The following PELI2 variants were observed in gnomAD, a reference collection of about 807,000 sequenced individuals.
PELI2 encodes the protein pellino E3 ubiquitin protein ligase family member 2, also known as E3 ubiquitin-protein ligase pellino homolog 2.
A neutral mutation model predicts 42.3 loss-of-function variants in PELI2; 23 were observed. That is an observed-to-expected ratio of 0.54 (90% CI 0.39 to 0.77). The LOEUF is 0.77. PELI2 is among the 30% of genes least tolerant of loss of function. PELI2 has a pLI of 0.00. For missense variants in PELI2, 463 were observed against 553.2 expected (o/e 0.84, Z 1.64); for synonymous variants, 245 against 212.2 (o/e 1.15, Z -1.34).
intron 3 of PELI2, among the ~76,000 whole-genome samples, chr14:56,281,058 C>T (rs971936194): frequency 2.6e-5 from 4 of 152,076 alleles, no homozygotes; most frequent in African/African-American, 9.7e-5. Context: ...TGGAATTGGT[C>T]CCCCTGGTGG....
At chr14:56,126,620 G>A (rs1883276843) in intron 1 of PELI2, among the ~76,000 whole-genome samples, 1 of 152,102 alleles carries the variant, frequency 6.6e-6, no homozygotes, top group South Asian at 2.1e-4. Context: ...GGAGGACCTC[G>A]GTGGCCCCCC....
At chr14:56,229,656 A>C (rs1005548857) in intron 2 of PELI2, among the ~76,000 whole-genome samples, 3 of 152,204 alleles carry the variant, frequency 2.0e-5, no homozygotes, top group African/African-American at 7.2e-5. Flanking sequence ...CAGAGCAGAA[A>C]AGCTGAAAAT....
intron 2 of PELI2, among the ~76,000 whole-genome samples, chr14:56,278,557 T>C (rs1226375365): frequency 6.6e-6 from 1 of 152,174 alleles, no homozygotes; most frequent in Non-Finnish European, 1.5e-5. Context: ...AGGAAGCACA[T>C]AAAATAAAAC....
intron 1 of PELI2, among the ~76,000 whole-genome samples, chr14:56,161,553 G>T (rs879441883): frequency 6.6e-6 from 1 of 152,096 alleles, no homozygotes; most frequent in Non-Finnish European, 1.5e-5. Flanking sequence ...GATTACAGGC[G>T]TGAGCCACAG....
At chr14:56,134,763 C>G (rs1240301584) in intron 1 of PELI2, among the ~76,000 whole-genome samples, 1 of 149,106 alleles carries the variant, frequency 6.7e-6, no homozygotes, top group African/African-American at 2.5e-5. Flanking sequence ...AACCAGTAAT[C>G]TTGTCAGTAA....
At chr14:56,166,002 G>A (rs1175869318) in intron 1 of PELI2, among the ~76,000 whole-genome samples, 1 of 152,052 alleles carries the variant, frequency 6.6e-6, no homozygotes, top group African/African-American at 2.4e-5. Flanking sequence ...TTATTAATAA[G>A]GGTTTCTGCC....
chr14:56,187,737 G>A (rs142874058), intron 2 of PELI2, among the ~76,000 whole-genome samples: 60 of 152,244 alleles, frequency 3.9e-4, no homozygotes, highest in African/African-American at 8.7e-4. Context: ...GATCATAACC[G>A]TGTTCCAGGG....
At chr14:56,259,551 G>A (rs561868983) in intron 2 of PELI2, among the ~76,000 whole-genome samples, 129 of 152,182 alleles carry the variant, frequency 8.5e-4, no homozygotes, top group African/African-American at 3.0e-3. Context: ...TGGTATGATC[G>A]TCTCCATATG....
chr14:56,282,490 T>C (rs1889513116), intron 3 of PELI2, among the ~76,000 whole-genome samples: 1 of 152,114 alleles, frequency 6.6e-6, no homozygotes, highest in Admixed American at 6.5e-5. Flanking sequence ...AATGTAGCAG[T>C]TGCCTTTGTG....
intron 1 of PELI2, among the ~76,000 whole-genome samples, chr14:56,165,823 A>G (rs992373850): frequency 6.6e-6 from 1 of 152,180 alleles, no homozygotes; most frequent in Non-Finnish European, 1.5e-5. Context: ...TGACATAAGT[A>G]TAGCAACTCC....
At chr14:56,142,751 C>G (rs1883963088) in intron 1 of PELI2, among the ~76,000 whole-genome samples, 2 of 151,164 alleles carry the variant, frequency 1.3e-5, no homozygotes, top group South Asian at 4.2e-4. Flanking sequence ...AGTACATAGC[C>G]TTCATGTTTC....
At chr14:56,207,970 A>C (rs1230797312) in intron 2 of PELI2, among the ~76,000 whole-genome samples, 3 of 152,234 alleles carry the variant, frequency 2.0e-5, no homozygotes, top group Non-Finnish European at 4.4e-5. Context: ...CAGAAGGCAA[A>C]CATAAAACTC....
intron 2 of PELI2, among the ~76,000 whole-genome samples, chr14:56,204,048 C>T (rs904877999): frequency 6.6e-6 from 1 of 152,190 alleles, no homozygotes; most frequent in African/African-American, 2.4e-5. Flanking sequence ...GAGCAGTAAG[C>T]AGGGCTGAGC....
intron 2 of PELI2, among the ~76,000 whole-genome samples, chr14:56,249,246 TA>T (rs35948253): frequency 0.4 from 60,298 of 151,966 alleles, 12,836 homozygotes; most frequent in South Asian, 0.53. Flanking sequence ...CAGGCAGGGA[TA>T]GGGGTGGGAG....
intron 2 of PELI2, among the ~76,000 whole-genome samples, chr14:56,265,627 C>T (rs761532836): frequency 1.3e-4 from 20 of 152,084 alleles, no homozygotes; most frequent in South Asian, 2.1e-4. Flanking sequence ...TAAGAACTTA[C>T]GCCTTTGGAA....
At chr14:56,234,583 G>A (rs1386708196) in intron 2 of PELI2, among the ~76,000 whole-genome samples, 4 of 152,018 alleles carry the variant, frequency 2.6e-5, no homozygotes, top group Admixed American at 6.5e-5. Flanking sequence ...GGGGAACATC[G>A]CACACCAGGG....
intron 2 of PELI2, among the ~76,000 whole-genome samples, chr14:56,213,766 A>G (rs891274906): frequency 6.6e-6 from 1 of 152,092 alleles, no homozygotes; most frequent in African/African-American, 2.4e-5. Context: ...ACTTAAGATT[A>G]TTTATTTAGT....
intron 2 of PELI2, among the ~76,000 whole-genome samples, chr14:56,251,060 G>A (rs1888326619): frequency 6.6e-6 from 1 of 152,166 alleles, no homozygotes; most frequent in East Asian, 1.9e-4. Flanking sequence ...TCTTTCCTTG[G>A]TTCTGAGCTA....
At chr14:56,205,041 A>AG (rs1886466846) in intron 2 of PELI2, among the ~76,000 whole-genome samples, 1 of 151,776 alleles carries the variant, frequency 6.6e-6, no homozygotes, top group Non-Finnish European at 1.5e-5. Context: ...AAAAAAAAAA[A>AG]AAAAAAGAAA....
Sources: allele counts gnomAD v4.1 joint callset (sites outside exome capture counted in the v4.1 genomes callset), GRCh38; gene constraint gnomAD v4.1.1; transcripts MANE v1.5; gene names NCBI Gene and HGNC (gene_info 2026-07-23, HGNC 2026-07-21).